Variants in ZMAT4 observed in about 807,000 individuals in gnomAD.
ZMAT4 encodes zinc finger matrin-type protein 4.
ZMAT4 carries 17 observed loss-of-function variants against 28.7 expected under a neutral mutation model. The ratio of observed to expected loss-of-function variants is 0.59; its 90% CI spans 0.41 to 0.89. ZMAT4 has a LOEUF of 0.89. ZMAT4 is among the 40% of genes least tolerant of loss of function. The probability of loss-of-function intolerance (pLI) is 0.00; values close to 1 mark genes in which losing one functional copy is unlikely to be tolerated. For synonymous variants in ZMAT4, 117 were observed against 109.2 expected, an observed-to-expected ratio of 1.07 and a Z score of -0.44; for missense variants, 240 against 283.8, an observed-to-expected ratio of 0.85 and a Z score of 1.11.
At chr8:40,663,993 G>A (rs1009579882) in intron 5 of ZMAT4, among the ~76,000 whole-genome samples, 5 of 152,078 alleles carry the variant, frequency 3.3e-5, no homozygotes, top group Admixed American at 1.3e-4. Context: ...TTGAATCATC[G>A]GTTTGAGACC....
intron 6 of ZMAT4, among the ~76,000 whole-genome samples, chr8:40,564,299 G>T (rs1803843841): frequency 6.6e-6 from 1 of 152,064 alleles, no homozygotes. Flanking sequence ...TATAAGTCGA[G>T]AGTATATTGA....
At chr8:40,608,233 T>C (rs1048338379) in intron 5 of ZMAT4, among the ~76,000 whole-genome samples, 2 of 152,178 alleles carry the variant, frequency 1.3e-5, no homozygotes, top group African/African-American at 4.8e-5. Flanking sequence ...CAGACTCTTC[T>C]TGGGCAAGCC....
intron 3 of ZMAT4, among the ~76,000 whole-genome samples, chr8:40,741,023 C>T (rs1811981711): frequency 1.3e-5 from 2 of 151,466 alleles, no homozygotes; most frequent in South Asian, 4.2e-4. Context: ...CACACACACG[C>T]ACACACAGCT....
chr8:40,705,926 A>C (rs1810330133), intron 3 of ZMAT4, among the ~76,000 whole-genome samples: 1 of 152,228 alleles, frequency 6.6e-6, no homozygotes, highest in Non-Finnish European at 1.5e-5. Flanking sequence ...TGTATATTTC[A>C]CACTGATAGC....
chr8:40,699,600 A>G (rs1375493709), intron 3 of ZMAT4, among the ~76,000 whole-genome samples: 3 of 151,176 alleles, frequency 2.0e-5, no homozygotes, highest in African/African-American at 7.3e-5. Flanking sequence ...GTAAATGCAC[A>G]CACACACACA....
chr8:40,670,142 C>T (rs892715388), intron 5 of ZMAT4, among the ~76,000 whole-genome samples: 3 of 152,060 alleles, frequency 2.0e-5, no homozygotes, highest in Admixed American at 2.0e-4. Flanking sequence ...TACCTCATTT[C>T]GAGACTTCTA....
chr8:40,825,153 T>C lies in ZMAT4; in HGVS notation c.102+422A>G, dbSNP rs1304971502. On this transcript the variant is annotated intron_variant, in intron 2 of 6. Transcript: ENST00000297737. ...AAGTGGCCCACGGCTGCTTCATTAC[T>C]TGCTGCTGTCTTTCCCTACAGTGTT... Among the ~76,000 whole-genome samples the C allele has an allele frequency of 4.6e-5, 7 of 152,034 alleles. 1 individual carries two copies. The highest frequency in any genetic ancestry group is 4.6e-4 in the Admixed American group (7 of 15,274).
chr8:40,699,634 C>T (rs1810046113), intron 3 of ZMAT4, among the ~76,000 whole-genome samples: 3 of 146,132 alleles, frequency 2.1e-5, no homozygotes, highest in Admixed American at 1.4e-4. Context: ...TGGAATACTA[C>T]TCAGCCATAA....
intron 3 of ZMAT4, among the ~76,000 whole-genome samples, chr8:40,743,782 G>A (rs1812110928): frequency 6.6e-6 from 1 of 152,064 alleles, no homozygotes; most frequent in Admixed American, 6.6e-5. Context: ...GGGAAGGAGC[G>A]GCCGATTCTG....
chr8:40,745,417 C>A (rs773859836), intron 3 of ZMAT4, among the ~76,000 whole-genome samples: 2 of 152,126 alleles, frequency 1.3e-5, no homozygotes, highest in African/African-American at 2.4e-5. Flanking sequence ...TCAGAACATC[C>A]TCCCCACACT....
chr8:40,622,552 T>A (rs75470286), intron 5 of ZMAT4, among the ~76,000 whole-genome samples: 154 of 152,362 alleles, frequency 1.0e-3, no homozygotes, highest in African/African-American at 3.6e-3. Flanking sequence ...GGATTATCTT[T>A]GTTTGTTTGC....
intron 5 of ZMAT4, among the ~76,000 whole-genome samples, chr8:40,635,279 G>T (rs146981186): frequency 5.9e-5 from 9 of 152,246 alleles, no homozygotes; most frequent in African/African-American, 2.2e-4. Flanking sequence ...TCCGCTAGGG[G>T]CCTTAATACG....
intron 5 of ZMAT4, among the ~76,000 whole-genome samples, chr8:40,610,949 T>A (rs1392817111): frequency 6.9e-6 from 1 of 144,094 alleles, no homozygotes; most frequent in Non-Finnish European, 1.5e-5. Context: ...TTTTTTTTTT[T>A]TGGTTTGTCT....
At chr8:40,581,419 T>C (rs1010398922) in intron 5 of ZMAT4, among the ~76,000 whole-genome samples, 158 bp from the exon 6 acceptor site, 4 of 152,146 alleles carry the variant, frequency 2.6e-5, no homozygotes, top group African/African-American at 4.8e-5. Context: ...AGCCAACAGG[T>C]CTCTTAGCAG....
At chr8:40,574,871 T>C (rs940132508) in intron 6 of ZMAT4, among the ~76,000 whole-genome samples, 1 of 152,192 alleles carries the variant, frequency 6.6e-6, no homozygotes, top group Non-Finnish European at 1.5e-5. Context: ...TTTGAGGAGA[T>C]GCTTAGAATT....
intron 2 of ZMAT4, among the ~76,000 whole-genome samples, chr8:40,772,628 CG>C (rs1216913049): frequency 6.6e-6 from 1 of 152,170 alleles, no homozygotes; most frequent in Non-Finnish European, 1.5e-5. Flanking sequence ...ATTTCATCCC[CG>C]AATCACAGTT....
At chr8:40,745,551 TC>T (rs1287959808) in intron 3 of ZMAT4, among the ~76,000 whole-genome samples, 3 of 152,130 alleles carry the variant, frequency 2.0e-5, no homozygotes, top group Non-Finnish European at 2.9e-5. Context: ...GTTTACAAGG[TC>T]CTTTCCCAAG....
chr8:40,742,011 G>A (rs181352117), intron 3 of ZMAT4, among the ~76,000 whole-genome samples: 1 of 151,980 alleles, frequency 6.6e-6, no homozygotes, highest in Non-Finnish European at 1.5e-5. Context: ...GGCTGAGGCG[G>A]GCAGATCACT....
At chr8:40,555,706 C>A (rs1008588865) in intron 6 of ZMAT4, among the ~76,000 whole-genome samples, 1 of 152,122 alleles carries the variant, frequency 6.6e-6, no homozygotes. Context: ...ACTGATCATT[C>A]CTTCATCACT....
Sources: allele counts gnomAD v4.1 joint callset (sites outside exome capture counted in the v4.1 genomes callset), GRCh38; gene constraint gnomAD v4.1.1; transcripts MANE v1.5; gene names NCBI Gene and HGNC (gene_info 2026-07-23, HGNC 2026-07-21).